The following TRPM3 variants were observed in gnomAD, a reference collection of about 807,000 sequenced individuals.
TRPM3 encodes the protein long transient receptor potential channel 3.
In TRPM3, 77 loss-of-function variants were observed where a neutral mutation model predicts 181.2. The observed-to-expected ratio is 0.42, with a 90% CI of 0.35 to 0.51. TRPM3 has a LOEUF of 0.51. Ranked by LOEUF, TRPM3 falls within the 20% of genes least tolerant of loss-of-function variation. The pLI is 0.01. For missense variants in TRPM3, 1,759 were observed against 2,196.7 expected (o/e 0.80, Z 3.98); for synonymous variants, 745 against 796.4 (o/e 0.94, Z 1.09).
chr9:71,089,486 T>C (rs1207437849), intron 1 of TRPM3, among the ~76,000 whole-genome samples: 6 of 151,768 alleles, frequency 4.0e-5, no homozygotes, highest in Non-Finnish European at 7.4e-5. Context: ...TGTTTCTCTG[T>C]AGCTAGAGGC....
At chr9:70,945,061 G>A (rs1412281175) in intron 1 of TRPM3, among the ~76,000 whole-genome samples, 2 of 152,180 alleles carry the variant, frequency 1.3e-5, no homozygotes, top group Non-Finnish European at 2.9e-5. Flanking sequence ...TAATTAAGAA[G>A]TCCTCTAGGG....
intron 1 of TRPM3, among the ~76,000 whole-genome samples, chr9:71,321,708 G>A (rs922345977): frequency 1.1e-4 from 16 of 152,130 alleles, no homozygotes; most frequent in Non-Finnish European, 1.5e-4. Flanking sequence ...GAAAAAAAGT[G>A]CCTATGATCT....
chr9:71,066,653 G>A (rs1251205215), intron 1 of TRPM3, among the ~76,000 whole-genome samples: 1 of 152,114 alleles, frequency 6.6e-6, no homozygotes, highest in East Asian at 1.9e-4. Context: ...CTGAGTTTTG[G>A]CATATCAAGA....
intron 1 of TRPM3, among the ~76,000 whole-genome samples, chr9:70,930,325 A>C (rs985189506): frequency 1.3e-5 from 2 of 152,198 alleles, no homozygotes; most frequent in Non-Finnish European, 2.9e-5. Context: ...TTATCTTGTC[A>C]ACTTAATGCA....
chr9:71,159,229 T>C (rs796812755), intron 1 of TRPM3, among the ~76,000 whole-genome samples: 11 of 151,962 alleles, frequency 7.2e-5, no homozygotes, highest in African/African-American at 2.7e-4. Context: ...CTTTGGAGAA[T>C]GGTGACTACT....
chr9:70,854,872 C>T (rs1352988982), intron 3 of TRPM3, among the ~76,000 whole-genome samples: 1 of 152,170 alleles, frequency 6.6e-6, no homozygotes, highest in Non-Finnish European at 1.5e-5. Flanking sequence ...TTGATCTACT[C>T]TTAGTTACCT....
intron 1 of TRPM3, among the ~76,000 whole-genome samples, chr9:71,168,608 T>TTTTA (rs373280161): frequency 7.9e-6 from 1 of 126,954 alleles, no homozygotes; most frequent in Non-Finnish European, 1.8e-5. Context: ...TATTTTTATT[T>TTTTA]ATTTTTTTAT....
upstream of TRPM3, chr9:71,446,853 C>A: frequency 5.2e-6 from 8 of 1,530,304 alleles, no homozygotes; most frequent in Non-Finnish European, 7.1e-6. Context: ...TCGCCTCCCT[C>A]GGCCGGGAAA....
intron 1 of TRPM3, among the ~76,000 whole-genome samples, chr9:71,166,803 T>A (rs1246517335): frequency 1.3e-5 from 2 of 152,208 alleles, no homozygotes; most frequent in African/African-American, 4.8e-5. Context: ...AAAGTAAATT[T>A]AGCTCTCTTA....
At chr9:70,826,331 T>TA (rs2093554902) in intron 6 of TRPM3, 1 of 152,366 alleles carries the variant, frequency 6.6e-6, no homozygotes, top group African/African-American at 2.4e-5. Flanking sequence ...TGCTGGTCTC[T>TA]GTATATTTTC....
At chr9:71,129,284 G>C (rs2074232402) in intron 1 of TRPM3, among the ~76,000 whole-genome samples, 1 of 152,078 alleles carries the variant, frequency 6.6e-6, no homozygotes, top group Non-Finnish European at 1.5e-5. Flanking sequence ...TTTTTCTCCT[G>C]ATGAGGCATA....
chr9:71,198,157 G>A (rs11142723), intron 1 of TRPM3, among the ~76,000 whole-genome samples: 40,899 of 150,920 alleles, frequency 0.27, 6,067 homozygotes, highest in Middle Eastern at 0.46. Flanking sequence ...GTTTTTCTCA[G>A]GTTTGTCAAA....
chr9:70,553,277 C>T lies in TRPM3; in HGVS notation c.3257G>A (p.Gly1086Asp), dbSNP rs1489697719. Reference protein sequence around the residue: ...PCGQNETREDGKIIQLPPCKT... With the variant: ...PCGQNETREDDKIIQLPPCKT... ...GCAGGGAGGCAGCTGGATTATTTTACCATCCTCTCGGGTCTCATTCTGTCC... is the reference window on the plus strand; with the variant it reads ...GCAGGGAGGCAGCTGGATTATTTTATCATCCTCTCGGGTCTCATTCTGTCC... Residue 1086 changes from glycine (G) to aspartate (D), a missense_variant, in exon 23 of 26, where the codon GGT becomes GAT. Gly to Asp is a moderately conservative substitution (Grantham distance 94). This residue lies in a region of TRPM3 where 94 missense variants were observed against 221.3 expected (regional missense o/e 0.42). Coordinates refer to ENST00000677713, the MANE Select transcript of TRPM3 (RefSeq NM_001366145.2). The T allele has an allele frequency of 1.2e-5, 19 of 1,614,008 alleles. No homozygotes were observed. Among genetic ancestry groups the T allele is most frequent in the Middle Eastern group, 1.6e-4 (1 of 6,084 alleles).
At chr9:70,634,265 A>T (rs770601498) in intron 12 of TRPM3, among the ~76,000 whole-genome samples, 62 of 152,120 alleles carry the variant, frequency 4.1e-4, no homozygotes, top group Non-Finnish European at 7.2e-4. Flanking sequence ...ACACACCACC[A>T]TGCCAAGCTA....
chr9:70,860,678 CT>C (rs1406090387), intron 3 of TRPM3, among the ~76,000 whole-genome samples: 1 of 152,150 alleles, frequency 6.6e-6, no homozygotes, highest in African/African-American at 2.4e-5. Flanking sequence ...TGTAATTTGG[CT>C]TTCTAAAATA....
At chr9:70,664,800 A>G (rs2061618999) in intron 9 of TRPM3, among the ~76,000 whole-genome samples, 1 of 151,766 alleles carries the variant, frequency 6.6e-6, no homozygotes. Flanking sequence ...ACAGGAGCAC[A>G]CCACCACCCC....
chr9:70,610,802 G>C (rs118143408), intron 18 of TRPM3, 53 bp from the exon 19 acceptor site: 1,126 of 1,598,098 alleles, frequency 7.0e-4, no homozygotes, highest in Non-Finnish European at 9.1e-4. Context: ...AGAGCATGTT[G>C]TTCAATGTGC....
In TRPM3 at chr9:70,530,995, C is replaced by T. The variant is rs1358622992; in HGVS notation, c.*4958G>A. Reference sequence around the variant, plus strand: ...ACACCCAAACACACGCCTCCCACCCCCAAGGTGAAGAAGCCACAAGACAAG... The same window carrying T: ...ACACCCAAACACACGCCTCCCACCCTCAAGGTGAAGAAGCCACAAGACAAG... On this transcript the variant is annotated 3_prime_UTR_variant, in exon 26 of 26. Coordinates refer to ENST00000677713, the MANE Select transcript of TRPM3 (RefSeq NM_001366145.2). 6.6e-6 allele frequency: 1 copy of T among 152,206 alleles called. No homozygotes were observed. The highest frequency in any genetic ancestry group is 2.4e-5 in the African/African-American group (1 of 41,430). The allele number at this position is 152,206 out of a possible 1,614,324, so 9.4% of individuals were successfully genotyped here.
chr9:70,974,644 G>T (rs1240559231), intron 1 of TRPM3, among the ~76,000 whole-genome samples: 2 of 151,856 alleles, frequency 1.3e-5, no homozygotes, highest in African/African-American at 4.8e-5. Context: ...CGGGAGAATC[G>T]CTAGAACCCA....
Sources: allele counts gnomAD v4.1 joint callset (sites outside exome capture counted in the v4.1 genomes callset), GRCh38; gene constraint gnomAD v4.1.1; regional missense constraint gnomAD v4.1.1; transcripts MANE v1.5; gene names NCBI Gene and HGNC (gene_info 2026-07-23, HGNC 2026-07-21).